Variants in PDE1A observed in about 807,000 individuals in gnomAD.
The protein encoded by PDE1A is dual specificity calcium/calmodulin-dependent 3',5'-cyclic nucleotide phosphodiesterase 1A.
PDE1A carries 35 observed loss-of-function variants against 61.7 expected under a neutral mutation model. The ratio of observed to expected loss-of-function variants is 0.57; its 90% CI spans 0.43 to 0.75. The LOEUF is 0.75. PDE1A is among the 30% of genes least tolerant of loss of function. The pLI is 0.00. For synonymous variants in PDE1A, 232 were observed against 213.2 expected (o/e 1.09, Z -0.77); for missense variants, 597 against 630.6 (o/e 0.95, Z 0.57).
chr2:182,540,366 G>GAAA, the PDE1A span, among the ~76,000 whole-genome samples: 3 of 108,406 alleles, frequency 2.8e-5, no homozygotes, highest in Non-Finnish European at 5.2e-5. Flanking sequence ...CTGTCTCAAA[G>GAAA]AAAAAAAAAA....
At chr2:182,149,474 C>T (rs1005742402) in intron 13 of PDE1A, among the ~76,000 whole-genome samples, 1 of 152,092 alleles carries the variant, frequency 6.6e-6, no homozygotes, top group African/African-American at 2.4e-5. Flanking sequence ...AGTTTCGTAG[C>T]ACTGAAAAAG....
intron 2 of PDE1A, among the ~76,000 whole-genome samples, chr2:182,451,698 T>C (rs1307730292): frequency 6.6e-6 from 1 of 152,120 alleles, no homozygotes; most frequent in Non-Finnish European, 1.5e-5. Flanking sequence ...ATACTCTAGT[T>C]GCTTAAACTT....
chr2:182,381,348 T>G (rs548077907), intron 1 of PDE1A, among the ~76,000 whole-genome samples: 1 of 152,248 alleles, frequency 6.6e-6, no homozygotes, highest in African/African-American at 2.4e-5. Flanking sequence ...CTGAATTCAC[T>G]GTTGGGATAT....
intron 1 of PDE1A, among the ~76,000 whole-genome samples, chr2:182,351,508 A>G (rs1698877058): frequency 6.6e-6 from 1 of 152,224 alleles, no homozygotes; most frequent in Non-Finnish European, 1.5e-5. Context: ...GTACCAATTT[A>G]GAGTATCAAC....
chr2:182,255,953 T>C (rs927245739), intron 2 of PDE1A, among the ~76,000 whole-genome samples: 2 of 151,504 alleles, frequency 1.3e-5, no homozygotes, highest in East Asian at 3.9e-4. Context: ...ATTACATGCG[T>C]GAGCCACCGC....
chr2:182,377,042 T>G (rs933663045), intron 1 of PDE1A, among the ~76,000 whole-genome samples: 1 of 152,200 alleles, frequency 6.6e-6, no homozygotes, highest in Admixed American at 6.5e-5. Context: ...AGATGAGATT[T>G]GGGTGGGGAC....
intron 2 of PDE1A, among the ~76,000 whole-genome samples, chr2:182,493,399 A>G (rs925810647): frequency 6.6e-6 from 1 of 152,026 alleles, no homozygotes; most frequent in Admixed American, 6.6e-5. Flanking sequence ...CGTCATTTAC[A>G]TTAGGCATAG....
intron 1 of PDE1A, 66 bp downstream of exon 1, chr2:182,426,512 A>T: frequency 8.8e-7 from 1 of 1,131,286 alleles, no homozygotes; most frequent in Non-Finnish European, 1.3e-6. Context: ...TCCCCAAATT[A>T]AGGATGAAGG....
chr2:182,231,225 C>A, intron 4 of PDE1A, 94 bp from the exon 5 acceptor site: 1 of 709,520 alleles, frequency 1.4e-6, no homozygotes, highest in South Asian at 1.8e-5. Flanking sequence ...TTTAGCAGGT[C>A]ATCTTTCAAT....
At chr2:182,608,518 C>T in the PDE1A span, among the ~76,000 whole-genome samples, 3 of 152,326 alleles carry the variant, frequency 2.0e-5, no homozygotes, top group Admixed American at 6.5e-5. Flanking sequence ...GCGCGAGTTC[C>T]GGGTGGGCGT....
In PDE1A at chr2:182,232,759, A is replaced by C. The variant is rs1574092432; in HGVS notation, c.418-1628T>G. ...CAATAAATCTTTTATCAAACTCCAA[A>C]GCTAACAAACAAGAGTTAGTTCAGA... is the stretch of plus-strand genomic sequence containing the variant. On this transcript the variant is annotated intron_variant, in intron 4 of 13. Transcript: ENST00000351439. Among the ~76,000 whole-genome samples the C allele has an allele frequency of 6.6e-5, 10 of 152,366 alleles. 1 individual carries two copies. The South Asian group carries it at 2.1e-3, about 32-fold the overall frequency.
intron 2 of PDE1A, among the ~76,000 whole-genome samples, chr2:182,445,454 T>A (rs776576995): frequency 9.2e-5 from 14 of 152,264 alleles, no homozygotes; most frequent in Non-Finnish European, 1.9e-4. Flanking sequence ...TTATTTTTTC[T>A]AGGTTCCACG....
chr2:182,371,552 C>T (rs1574476720), intron 1 of PDE1A, among the ~76,000 whole-genome samples: 1 of 152,290 alleles, frequency 6.6e-6, no homozygotes, highest in African/African-American at 2.4e-5. Flanking sequence ...GACACATTTA[C>T]AATTTTGCCC....
chr2:182,598,488 C>A, the PDE1A span, among the ~76,000 whole-genome samples: 1,296 of 151,606 alleles, frequency 8.5e-3, 18 homozygotes, highest in African/African-American at 0.029. Flanking sequence ...ATGAGAATCA[C>A]TTGAATCTGG....
intron 7 of PDE1A, among the ~76,000 whole-genome samples, chr2:182,212,714 T>G (rs1306025997): frequency 2.0e-5 from 3 of 152,186 alleles, no homozygotes; most frequent in Non-Finnish European, 4.4e-5. Flanking sequence ...CTGACGGGCT[T>G]AAAAAATGGC....
intron 1 of PDE1A, among the ~76,000 whole-genome samples, chr2:182,302,766 C>T (rs1695328073): frequency 1.3e-5 from 2 of 152,200 alleles, no homozygotes; most frequent in South Asian, 2.1e-4. Flanking sequence ...TCAGTCCTCT[C>T]AAACCCTGCC....
At chr2:182,570,390 T>C in the PDE1A span, among the ~76,000 whole-genome samples, 2 of 152,106 alleles carry the variant, frequency 1.3e-5, no homozygotes, top group Non-Finnish European at 2.9e-5. Context: ...GAAAGAGAAA[T>C]AGAGACAGTT....
intron 7 of PDE1A, among the ~76,000 whole-genome samples, chr2:182,219,165 G>T (rs958451570): frequency 2.0e-5 from 3 of 152,104 alleles, no homozygotes; most frequent in African/African-American, 7.2e-5. Context: ...AGATAGAAAA[G>T]TCGTTTTTAA....
At chr2:182,457,702 A>G (rs772957783) in intron 2 of PDE1A, among the ~76,000 whole-genome samples, 1 of 152,014 alleles carries the variant, frequency 6.6e-6, no homozygotes, top group Non-Finnish European at 1.5e-5. Context: ...AAAAGCATGT[A>G]CAGACAAGCA....
Sources: allele counts gnomAD v4.1 joint callset (sites outside exome capture counted in the v4.1 genomes callset), GRCh38; gene constraint gnomAD v4.1.1; transcripts MANE v1.5; gene names NCBI Gene and HGNC (gene_info 2026-07-23, HGNC 2026-07-21).